The following MAPK10 variants were observed in gnomAD, a reference collection of about 807,000 sequenced individuals.
The protein encoded by MAPK10 is JNK3 alpha protein kinase.
Under a neutral mutation model 59.3 loss-of-function variants are expected in MAPK10, and 25 were observed. That is an observed-to-expected ratio of 0.42 (90% CI 0.31 to 0.59). The LOEUF is 0.59. Ranked by LOEUF, MAPK10 falls within the 20% of genes least tolerant of loss-of-function variation. MAPK10 has a pLI of 0.15. For synonymous variants in MAPK10, 190 were observed against 200.5 expected (o/e 0.95, Z 0.44); for missense variants, 351 against 568.9 (o/e 0.62, Z 3.90).
chr4:86,157,502 T>C (rs1235251815), intron 4 of MAPK10, among the ~76,000 whole-genome samples: 1 of 151,950 alleles, frequency 6.6e-6, no homozygotes, highest in Non-Finnish European at 1.5e-5. Context: ...TTTGCACCAG[T>C]CACTATACTC....
intron 1 of MAPK10, among the ~76,000 whole-genome samples, chr4:86,401,656 C>T (rs533008847): frequency 2.0e-5 from 3 of 152,246 alleles, no homozygotes; most frequent in Admixed American, 2.0e-4. Flanking sequence ...TCTATAATCT[C>T]TATGTCTATT....
At chr4:86,037,259 G>A (rs2040502486) in intron 11 of MAPK10, among the ~76,000 whole-genome samples, 1 of 152,112 alleles carries the variant, frequency 6.6e-6, no homozygotes, top group Admixed American at 6.5e-5. Flanking sequence ...TGCTCTTTCT[G>A]CCTGTAATCC....
intron 1 of MAPK10, among the ~76,000 whole-genome samples, chr4:86,372,856 G>A (rs1739123403): frequency 6.6e-6 from 1 of 152,112 alleles, no homozygotes; most frequent in Admixed American, 6.6e-5. Context: ...AAAAGAACTA[G>A]AGAAGCAAGA....
intron 2 of MAPK10, among the ~76,000 whole-genome samples, chr4:86,307,357 G>A (rs942552178): frequency 6.6e-6 from 1 of 152,064 alleles, no homozygotes; most frequent in Non-Finnish European, 1.5e-5. Flanking sequence ...CCATTCAACT[G>A]GCCTAATACT....
intron 2 of MAPK10, among the ~76,000 whole-genome samples, chr4:86,262,806 C>G (rs750749334): frequency 7.2e-5 from 11 of 152,202 alleles, no homozygotes; most frequent in Non-Finnish European, 1.5e-4. Context: ...TCTTGATTCT[C>G]TGCCTAACAT....
intron 2 of MAPK10, among the ~76,000 whole-genome samples, chr4:86,350,889 C>G (rs1409131279): frequency 1.3e-5 from 2 of 152,062 alleles, no homozygotes; most frequent in Admixed American, 6.6e-5. Flanking sequence ...TGAAAAAGGA[C>G]TTGTCTGAGA....
chr4:86,219,246 T>C (rs574573160), intron 2 of MAPK10, among the ~76,000 whole-genome samples: 6 of 152,302 alleles, frequency 3.9e-5, no homozygotes, highest in Admixed American at 2.6e-4. Context: ...TCTGCAGGCA[T>C]AATTGGCACA....
intron 2 of MAPK10, among the ~76,000 whole-genome samples, chr4:86,335,612 A>G (rs945610624): frequency 2.7e-5 from 4 of 150,904 alleles, no homozygotes; most frequent in Non-Finnish European, 2.9e-5. Context: ...GTACTGTATT[A>G]GTTTTTTTTT....
intron 4 of MAPK10, among the ~76,000 whole-genome samples, chr4:86,156,069 T>C (rs1277203490): frequency 6.6e-6 from 1 of 152,058 alleles, no homozygotes; most frequent in African/African-American, 2.4e-5. Context: ...AAAGTATTTC[T>C]GGAATTTTTC....
chr4:86,154,415 G>A (rs2067195274), intron 4 of MAPK10, among the ~76,000 whole-genome samples: 1 of 152,110 alleles, frequency 6.6e-6, no homozygotes, highest in Admixed American at 6.6e-5. Flanking sequence ...CCATGATGGA[G>A]TATTAGTAAA....
chr4:86,201,773 A>C (rs1419050073), intron 2 of MAPK10, among the ~76,000 whole-genome samples: 1 of 151,528 alleles, frequency 6.6e-6, no homozygotes, highest in African/African-American at 2.4e-5. Context: ...GTTCACAGAG[A>C]TATTCTCCTA....
intron 1 of MAPK10, among the ~76,000 whole-genome samples, chr4:86,562,900 ATAACCAGAATTCC>A (rs1760785457): frequency 1.3e-5 from 2 of 152,214 alleles, no homozygotes; most frequent in African/African-American, 2.4e-5. Context: ...CACTTCTTCC[ATAACCAGAATTCC>A]TAACCAGAAT....
intron 2 of MAPK10, among the ~76,000 whole-genome samples, chr4:86,293,824 C>G (rs2095290016): frequency 6.6e-6 from 1 of 152,148 alleles, no homozygotes; most frequent in Non-Finnish European, 1.5e-5. Flanking sequence ...AAGAGGACAG[C>G]ACCAAGAGGA....
intron 9 of MAPK10, among the ~76,000 whole-genome samples, chr4:86,071,776 G>C (rs1476592145): frequency 1.3e-5 from 2 of 150,766 alleles, no homozygotes; most frequent in Non-Finnish European, 3.0e-5. Flanking sequence ...CCAGTACCAT[G>C]CTGTTTTGGT....
intron 2 of MAPK10, among the ~76,000 whole-genome samples, chr4:86,346,029 G>C (rs1232479610): frequency 6.6e-6 from 1 of 152,190 alleles, no homozygotes; most frequent in African/African-American, 2.4e-5. Flanking sequence ...CAGAAGCAGA[G>C]ATAGATGAAA....
chr4:86,183,707 A>G (rs545776914), intron 3 of MAPK10, among the ~76,000 whole-genome samples: 181 of 152,328 alleles, frequency 1.2e-3, no homozygotes, highest in African/African-American at 4.2e-3. Context: ...TCCCTGAGGA[A>G]TCGCCACACT....
intron 7 of MAPK10, 137 bp from the exon 8 acceptor site, chr4:86,101,354 T>TGATTA: frequency 1.8e-6 from 1 of 546,860 alleles, no homozygotes; most frequent in South Asian, 3.0e-5. Flanking sequence ...ATAAGGCAAA[T>TGATTA]GATTACTGCT....
chr4:86,567,298 G>A (rs1761126921), intron 1 of MAPK10, among the ~76,000 whole-genome samples: 1 of 151,120 alleles, frequency 6.6e-6, no homozygotes, highest in South Asian at 2.1e-4. Context: ...TCAGCTCACT[G>A]CAACCTCTGC....
At chr4:86,169,329 G>A (rs530098138) in intron 3 of MAPK10, among the ~76,000 whole-genome samples, 1 of 152,246 alleles carries the variant, frequency 6.6e-6, no homozygotes, top group South Asian at 2.1e-4. Context: ...AAATTTAGAC[G>A]AATGTATAAC....
Sources: allele counts gnomAD v4.1 joint callset (sites outside exome capture counted in the v4.1 genomes callset), GRCh38; gene constraint gnomAD v4.1.1; transcripts MANE v1.5; gene names NCBI Gene and HGNC (gene_info 2026-07-23, HGNC 2026-07-21).